The following CDH4 variants were observed in gnomAD, a reference collection of about 807,000 sequenced individuals.
CDH4 encodes cadherin-4.
Under a neutral mutation model 86.0 loss-of-function variants are expected in CDH4, and 33 were observed. That is an observed-to-expected ratio of 0.38 (90% confidence interval 0.29 to 0.51). CDH4 has a LOEUF of 0.51. CDH4 is among the 20% of genes least tolerant of loss of function. The pLI is 0.86. For missense variants in CDH4, 1,114 were observed against 1,307.4 expected (o/e 0.85, Z 2.28); for synonymous variants, 555 against 549.4 (o/e 1.01, Z -0.14).
In CDH4 at chr20:61,708,264, T is replaced by C. The variant is rs1400463614; in HGVS notation, c.170-35299T>C. Among the ~76,000 whole-genome samples the C allele has an allele frequency of 6.6e-6, 1 of 152,066 alleles. No individual in the cohort carries two copies. The highest frequency in any genetic ancestry group is 1.5e-5 in the Non-Finnish European group (1 of 67,992). ...GCGTGGCCAGCAGGGGGTTGACTTT[T>C]ACCCCGAACCAGATGTACCAAGCAC... On this transcript the variant is annotated intron_variant, in intron 2 of 15. Transcript: ENST00000614565. This position sits in a 1 kb window ranked among gnomAD's most constrained non-coding sequence, Gnocchi z 4.5.
intron 4 of CDH4, among the ~76,000 whole-genome samples, chr20:61,809,774 A>T (rs146008315): frequency 6.6e-6 from 1 of 152,338 alleles, no homozygotes; most frequent in East Asian, 1.9e-4. Flanking sequence ...ACGAAGGCAG[A>T]ACCTTCCATA....
chr20:61,906,540 T>C (rs1421990070), intron 8 of CDH4, among the ~76,000 whole-genome samples: 5 of 152,234 alleles, frequency 3.3e-5, no homozygotes, highest in Non-Finnish European at 7.4e-5. Context: ...AGGTTTTCAC[T>C]CAAGGAAGGA....
intron 2 of CDH4, among the ~76,000 whole-genome samples, chr20:61,706,902 G>T (rs76591914): frequency 0.024 from 3,673 of 152,326 alleles, 158 homozygotes; most frequent in African/African-American, 0.085. Context: ...CCCCGCAGAG[G>T]GCTGAAGAGA....
At chr20:61,847,591 T>C (rs907305733) in intron 5 of CDH4, among the ~76,000 whole-genome samples, 9 of 152,362 alleles carry the variant, frequency 5.9e-5, no homozygotes, top group Middle Eastern at 6.8e-3. Flanking sequence ...AAACACGCTG[T>C]GTTAGCCCTT....
chr20:61,920,312 A>C (rs2054961707), intron 9 of CDH4, among the ~76,000 whole-genome samples: 1 of 138,942 alleles, frequency 7.2e-6, no homozygotes, highest in African/African-American at 2.8e-5. Flanking sequence ...GATTGTGTGG[A>C]AGCGTGGTGT....
At chr20:61,629,338 G>T (rs1425975995) in intron 2 of CDH4, among the ~76,000 whole-genome samples, 4 of 152,178 alleles carry the variant, frequency 2.6e-5, no homozygotes, top group African/African-American at 9.7e-5. Context: ...GGAGCAGCCG[G>T]CAGGGAGAGC....
chr20:61,869,246 AAG>A (rs1983692026), intron 6 of CDH4, among the ~76,000 whole-genome samples: 1 of 152,228 alleles, frequency 6.6e-6, no homozygotes, highest in African/African-American at 2.4e-5. Context: ...AATCCAAAAA[AAG>A]AGCATACAGC....
At chr20:61,378,612 A>G (rs2084884389) in intron 2 of CDH4, among the ~76,000 whole-genome samples, 1 of 152,204 alleles carries the variant, frequency 6.6e-6, no homozygotes, top group South Asian at 2.1e-4. Flanking sequence ...TTAGGGCCCA[A>G]TCAGATAATC....
chr20:61,507,832 A>G (rs192341487), intron 2 of CDH4, among the ~76,000 whole-genome samples: 21 of 152,328 alleles, frequency 1.4e-4, no homozygotes, highest in African/African-American at 5.1e-4. Flanking sequence ...TTCCATACTA[A>G]GGTAAGATGT....
intron 2 of CDH4, among the ~76,000 whole-genome samples, chr20:61,611,641 G>T (rs982196615): frequency 7.2e-5 from 11 of 152,090 alleles, no homozygotes; most frequent in Admixed American, 6.5e-4. Flanking sequence ...GAGCTTTTCT[G>T]CCAACCCACT....
At chr20:61,487,017 A>G (rs759221031) in intron 2 of CDH4, among the ~76,000 whole-genome samples, 9 of 152,220 alleles carry the variant, frequency 5.9e-5, no homozygotes, top group Non-Finnish European at 1.0e-4. Context: ...CCCTGGAGTC[A>G]CAGTCAAGGT....
intron 2 of CDH4, among the ~76,000 whole-genome samples, chr20:61,723,041 A>C (rs1312000260): frequency 6.6e-6 from 1 of 152,148 alleles, no homozygotes; most frequent in Non-Finnish European, 1.5e-5. Context: ...ACGCTGTAGA[A>C]GACATTAGAA....
At chr20:61,848,357 G>A (rs913211967) in intron 5 of CDH4, among the ~76,000 whole-genome samples, 1 of 152,154 alleles carries the variant, frequency 6.6e-6, no homozygotes, top group African/African-American at 2.4e-5. Context: ...CACACACGTT[G>A]CCTTCCCTTC....
At chr20:61,390,281 G>C (rs1243351655) in intron 2 of CDH4, among the ~76,000 whole-genome samples, 2 of 145,368 alleles carry the variant, frequency 1.4e-5, no homozygotes, top group Non-Finnish European at 3.0e-5. Context: ...TGCCCATAGT[G>C]CCGTGTCTGG....
rs190156702 is a variant in CDH4 at position 61,651,783 on chromosome 20, C to G, written c.170-91780C>G. Among the ~76,000 whole-genome samples the G allele has an allele frequency of 9.8e-4, 149 of 152,314 alleles. 1 individual carries two copies. The highest frequency in any genetic ancestry group is 5.0e-3 in the South Asian group (24 of 4,824). On this transcript the variant is annotated intron_variant, in intron 2 of 15. Coordinates refer to ENST00000614565, the MANE Select transcript of CDH4 (RefSeq NM_001794.5). Reference sequence around the variant, plus strand: ...GTTTTAGTATCTTTCTCAGGATTCTCTCTGTCTTAATGTTAAACACAATTG... The same window carrying G: ...GTTTTAGTATCTTTCTCAGGATTCTGTCTGTCTTAATGTTAAACACAATTG...
chr20:61,352,155 C>T (rs1342988289), intron 2 of CDH4, among the ~76,000 whole-genome samples: 1 of 152,200 alleles, frequency 6.6e-6, no homozygotes, highest in Non-Finnish European at 1.5e-5. Context: ...CCTCACTACC[C>T]TTCCCAGCCT....
chr20:61,299,944 A>G (rs2084377241), intron 2 of CDH4, among the ~76,000 whole-genome samples: 1 of 152,154 alleles, frequency 6.6e-6, no homozygotes. Context: ...CAGTGTGTCC[A>G]TTTGTAATGA....
At chr20:61,853,271 T>A (rs1982824538) in intron 6 of CDH4, among the ~76,000 whole-genome samples, 2 of 151,736 alleles carry the variant, frequency 1.3e-5, no homozygotes, top group African/African-American at 4.8e-5. Context: ...TGGGGTGGGC[T>A]CCCGGGCAGG....
intron 2 of CDH4, among the ~76,000 whole-genome samples, chr20:61,483,930 C>T (rs6061580): frequency 0.12 from 17,628 of 152,126 alleles, 1,373 homozygotes; most frequent in African/African-American, 0.23. Context: ...CTTTCCCTTT[C>T]GCTCCTGTCC....
Sources: allele counts gnomAD v4.1 joint callset (sites outside exome capture counted in the v4.1 genomes callset), GRCh38; gene constraint gnomAD v4.1.1; non-coding constraint Gnocchi (gnomAD v3.1); transcripts MANE v1.5; gene names NCBI Gene and HGNC (gene_info 2026-07-23, HGNC 2026-07-21).